EYA4: variants seen among roughly 807,000 people sequenced by gnomAD.
EYA4 encodes the protein protein phosphatase EYA4.
EYA4 carries 31 observed loss-of-function variants against 87.9 expected under a neutral mutation model. The observed-to-expected ratio is 0.35, with a 90% confidence interval of 0.27 to 0.48. EYA4 has a LOEUF of 0.48. EYA4 is among the 20% of genes least tolerant of loss of function. The pLI, the probability that EYA4 is intolerant of heterozygous loss-of-function variation, is 0.99. For missense variants in EYA4, 678 were observed against 761.4 expected (o/e 0.89, Z 1.29); for synonymous variants, 263 against 270.6 (o/e 0.97, Z 0.28).
At chr6:133,360,056 C>G (rs1292109780) in intron 2 of EYA4, 1 of 152,140 alleles carries the variant, frequency 6.6e-6, no homozygotes, top group Non-Finnish European at 1.5e-5. Flanking sequence ...GTGACCTTTT[C>G]TTCTGTTACT....
At chr6:133,481,209 A>G (rs970814711) in intron 11 of EYA4, among the ~76,000 whole-genome samples, 1 of 152,192 alleles carries the variant, frequency 6.6e-6, no homozygotes, top group African/African-American at 2.4e-5. Flanking sequence ...AAGTGAAGGT[A>G]TAGACAGGAA....
chr6:133,382,863 T>G (rs933294396), intron 3 of EYA4, among the ~76,000 whole-genome samples: 13 of 152,158 alleles, frequency 8.5e-5, no homozygotes, highest in Non-Finnish European at 1.5e-4. Flanking sequence ...TTGAGAATGT[T>G]GTCAAATTAG....
intron 3 of EYA4, among the ~76,000 whole-genome samples, chr6:133,409,144 A>T (rs1788989467): frequency 6.6e-6 from 1 of 152,192 alleles, no homozygotes; most frequent in African/African-American, 2.4e-5. Flanking sequence ...AACCTGTATT[A>T]TTCCCAACCA....
intron 3 of EYA4, among the ~76,000 whole-genome samples, chr6:133,423,836 A>G (rs212784): frequency 0.022 from 3,347 of 152,214 alleles, 49 homozygotes; most frequent in Non-Finnish European, 0.034. Flanking sequence ...TGGGGTGTCA[A>G]TTTTCTAGCC....
intron 2 of EYA4, among the ~76,000 whole-genome samples, chr6:133,341,178 CA>C (rs1782749813): frequency 6.6e-6 from 1 of 152,128 alleles, no homozygotes; most frequent in African/African-American, 2.4e-5. Flanking sequence ...ACTGAGTAAA[CA>C]CAGCAAACAG....
chr6:133,421,975 CT>C (rs1790260681), intron 3 of EYA4, among the ~76,000 whole-genome samples: 2 of 152,074 alleles, frequency 1.3e-5, no homozygotes, highest in Non-Finnish European at 2.9e-5. Context: ...AACTTACTAT[CT>C]TTTTTCATTA....
chr6:133,249,785 T>A (rs1311738962), intron 1 of EYA4, among the ~76,000 whole-genome samples: 2 of 152,152 alleles, frequency 1.3e-5, no homozygotes, highest in African/African-American at 2.4e-5. Context: ...ACCTCCAGAG[T>A]CTGAGTTGAA....
intron 3 of EYA4, among the ~76,000 whole-genome samples, chr6:133,412,952 C>T (rs1789371540): frequency 6.6e-6 from 1 of 152,170 alleles, no homozygotes; most frequent in South Asian, 2.1e-4. Context: ...ACCTCTCTTA[C>T]ACTCCCTTCC....
chr6:133,529,333 T>C lies in EYA4; in HGVS notation c.*528T>C, dbSNP rs1800867701. ...AATTTACTGTGACTTTATTAGCAGC[T>C]GACTTTCAAAGTGGATGCAATTTTT... On this transcript the variant is annotated 3_prime_UTR_variant, in exon 20 of 20. Coordinates refer to ENST00000355286, the MANE Select transcript of EYA4 (RefSeq NM_004100.5). The C allele has an allele frequency of 1.0e-6, 1 of 993,650 alleles. No homozygotes were observed. The highest frequency in any genetic ancestry group is 1.2e-6 in the Non-Finnish European group (1 of 833,796). The allele number at this position is 993,650 out of a possible 1,614,324, so 61.6% of individuals were successfully genotyped here. A position where few individuals can be genotyped will look rare whatever the true frequency, so the allele number is the denominator to read the frequency against.
At chr6:133,280,658 G>T (rs920181826) in intron 2 of EYA4, among the ~76,000 whole-genome samples, 2 of 152,098 alleles carry the variant, frequency 1.3e-5, no homozygotes, top group Admixed American at 6.5e-5. Flanking sequence ...GCCTCCCAAA[G>T]TGCTGGGATT....
At chr6:133,484,311 A>G (rs1796504644) in intron 13 of EYA4, among the ~76,000 whole-genome samples, 1 of 152,182 alleles carries the variant, frequency 6.6e-6, no homozygotes, top group African/African-American at 2.4e-5. Context: ...TTATTTTATA[A>G]TATCTCATGC....
chr6:133,293,057 C>T (rs1210712493), intron 2 of EYA4, among the ~76,000 whole-genome samples: 4 of 152,208 alleles, frequency 2.6e-5, no homozygotes, highest in Non-Finnish European at 4.4e-5. Flanking sequence ...AATGTATTCC[C>T]GTGGTCTCTT....
In EYA4 at chr6:133,493,969, G is replaced by A. The variant is rs1012195723; in HGVS notation, c.1191+10854G>A. Among the ~76,000 whole-genome samples, 52 of 152,154 alleles carry A rather than the reference G, an allele frequency of 3.4e-4. 1 individual carries two copies. Among genetic ancestry groups the A allele is most frequent in the Admixed American group, 3.9e-4 (6 of 15,276 alleles). ...ACAGAAAAGGGAACCCTCATACACC[G>A]TTTGTGGGAATGTAAATTAGTACCA... is the stretch of plus-strand genomic sequence containing the variant. On this transcript the variant is annotated intron_variant, in intron 13 of 19. Coordinates refer to ENST00000355286, the MANE Select transcript of EYA4 (RefSeq NM_004100.5).
chr6:133,274,928 A>T (rs1777041043), intron 2 of EYA4, 115 bp downstream of exon 2: 1 of 829,150 alleles, frequency 1.2e-6, no homozygotes. Context: ...TTTTTAAATG[A>T]TTTTTGAATT....
intron 2 of EYA4, among the ~76,000 whole-genome samples, chr6:133,342,574 C>CATATATATATATATATATATATATATAT (rs56987430): frequency 3.0e-5 from 3 of 100,494 alleles, no homozygotes; most frequent in Non-Finnish European, 2.0e-5. Context: ...TACACACTGC[C>CATATATATATATATATATATATATATAT]ATATATATAT....
intron 2 of EYA4, among the ~76,000 whole-genome samples, chr6:133,368,143 G>A (rs1440519020): frequency 6.6e-6 from 1 of 152,178 alleles, no homozygotes; most frequent in Non-Finnish European, 1.5e-5. Context: ...TGGTGTCCTG[G>A]TGTAAGCTGA....
intron 3 of EYA4, among the ~76,000 whole-genome samples, chr6:133,398,960 G>A (rs1788032227): frequency 6.6e-6 from 1 of 152,202 alleles, no homozygotes; most frequent in Admixed American, 6.5e-5. Context: ...GTGGACAAAA[G>A]TGAATTAAGT....
intron 2 of EYA4, among the ~76,000 whole-genome samples, chr6:133,377,889 T>C (rs1289558937): frequency 6.6e-6 from 1 of 152,046 alleles, no homozygotes; most frequent in African/African-American, 2.4e-5. Flanking sequence ...AGAAATCCAC[T>C]GTACAGAACA....
At chr6:133,379,661 G>A (rs1786006407) in intron 2 of EYA4, among the ~76,000 whole-genome samples, 1 of 152,048 alleles carries the variant, frequency 6.6e-6, no homozygotes, top group African/African-American at 2.4e-5. Context: ...TTCACCCCAT[G>A]GCTCCTGTCT....
Sources: allele counts gnomAD v4.1 joint callset (sites outside exome capture counted in the v4.1 genomes callset), GRCh38; gene constraint gnomAD v4.1.1; transcripts MANE v1.5; gene names NCBI Gene and HGNC (gene_info 2026-07-23, HGNC 2026-07-21).